The following SV2B variants were observed in gnomAD, a reference collection of about 807,000 sequenced individuals.
The protein encoded by SV2B is synaptic vesicle glycoprotein 2B.
Under a neutral mutation model 73.9 loss-of-function variants are expected in SV2B, and 41 were observed. The ratio of observed to expected loss-of-function variants is 0.56; its 90% CI spans 0.43 to 0.72. The LOEUF is 0.72. Ranked by LOEUF, SV2B falls within the 30% of genes least tolerant of loss-of-function variation. The probability of loss-of-function intolerance (pLI) is 0.00; values close to 1 mark genes in which losing one functional copy is unlikely to be tolerated. For synonymous variants in SV2B, 314 were observed against 314.2 expected, an observed-to-expected ratio of 1.00 and a Z score of 0.01; for missense variants, 764 against 857.8, an observed-to-expected ratio of 0.89 and a Z score of 1.37.
intron 1 of SV2B, among the ~76,000 whole-genome samples, chr15:91,206,881 C>T (rs893962492): frequency 2.0e-5 from 3 of 152,120 alleles, no homozygotes; most frequent in Admixed American, 6.5e-5. Context: ...ATGTTAGGAT[C>T]TTTTATTTGG....
At chr15:91,193,291 T>G (rs1185252519) in intron 1 of SV2B, among the ~76,000 whole-genome samples, 1 of 152,192 alleles carries the variant, frequency 6.6e-6, no homozygotes, top group Non-Finnish European at 1.5e-5. Context: ...TAGTAGTACG[T>G]CAACAGTTGT....
At chr15:91,254,469 T>G (rs2047610364) in intron 4 of SV2B, among the ~76,000 whole-genome samples, 1 of 152,146 alleles carries the variant, frequency 6.6e-6, no homozygotes, top group Non-Finnish European at 1.5e-5. Flanking sequence ...ACGCCTGACT[T>G]CAAGTGATCC....
chr15:91,106,721 G>T lies in SV2B; in HGVS notation c.-392+6358G>T, dbSNP rs569150822. Among the ~76,000 whole-genome samples the T allele has an allele frequency of 3.7e-4, 56 of 152,304 alleles. 2 individuals are homozygous for T. The South Asian group carries it at 0.011, about 31-fold the overall frequency. On this transcript the variant is annotated intron_variant, in intron 1 of 12. Coordinates refer to ENST00000394232, the MANE Select transcript of SV2B (RefSeq NM_001323032.3). The surrounding 1 kb of genome is among the most constrained non-coding windows in gnomAD (Gnocchi z 4.4). Reference sequence around the variant, plus strand: ...AGAGGGAGGTGGCTGAAATTCAGGGGTGTGATGTTCTTGGGTTATTATTGT... The same window carrying T: ...AGAGGGAGGTGGCTGAAATTCAGGGTTGTGATGTTCTTGGGTTATTATTGT...
rs74339120 is a variant in SV2B, at chr15:91,115,960, G to C, written c.-392+15597G>C. On this transcript the variant is annotated intron_variant, in intron 1 of 12. Transcript: ENST00000394232. This position sits in a 1 kb window ranked among gnomAD's most constrained non-coding sequence, Gnocchi z 4.3. ...GCTTTGTTTCACATACACCTTAACA[G>C]AGTACATGCACACACATACACACAC... Among the ~76,000 whole-genome samples, 1 of 152,196 alleles carries C rather than the reference G, an allele frequency of 6.6e-6. No individual in the cohort carries two copies. The highest frequency in any genetic ancestry group is 1.9e-4 in the East Asian group (1 of 5,194).
chr15:91,211,833 G>T (rs1461835873), intron 1 of SV2B, among the ~76,000 whole-genome samples: 1 of 144,158 alleles, frequency 6.9e-6, no homozygotes, highest in African/African-American at 2.6e-5. Flanking sequence ...TGAGTTGGAG[G>T]TCTCACTGTG....
At position 91,227,958 on chromosome 15, in the gene SV2B, A is replaced by G. The variant is rs959491129; in HGVS notation, c.451+1244A>G. 6.6e-6 allele frequency among the ~76,000 whole-genome samples: 1 copy of G among 152,238 alleles called. No individual in the cohort carries two copies. Among genetic ancestry groups the G allele is most frequent in the African/African-American group, 2.4e-5 (1 of 41,458 alleles). On this transcript the variant is annotated intron_variant, in intron 2 of 12. Transcript: ENST00000394232. The surrounding 1 kb of genome is among the most constrained non-coding windows in gnomAD (Gnocchi z 4.5). ...AACTCTGTCACTGTAGCACAATAGC[A>G]GCTTTGAACAACACGTAAACAAATG...
In SV2B at chr15:91,197,896, T is replaced by C. The variant is rs754051085; in HGVS notation, c.-391-27977T>C. On this transcript the variant is annotated intron_variant, in intron 1 of 12. Coordinates refer to ENST00000394232, the MANE Select transcript of SV2B (RefSeq NM_001323032.3). The surrounding 1 kb of genome is among the most constrained non-coding windows in gnomAD (Gnocchi z 4.9). The stretch of plus-strand genomic sequence containing the variant: ...AAAAAATACAAAAATTAGCCAGGCA[T>C]GGTGGGGGACCCGTGTAATCCCAGC... 6.6e-6 allele frequency among the ~76,000 whole-genome samples: 1 copy of C among 151,942 alleles called. No individual in the cohort carries two copies. The highest frequency in any genetic ancestry group is 1.5e-5 in the Non-Finnish European group (1 of 68,002).
intron 1 of SV2B, among the ~76,000 whole-genome samples, chr15:91,168,301 CGAGAGAGAGAGA>C (rs113991291): frequency 2.9e-5 from 4 of 137,200 alleles, no homozygotes; most frequent in African/African-American, 1.1e-4. Flanking sequence ...TGGTGAGATA[CGAGAGAGAGAGA>C]GAGAGAGAGA....
chr15:91,190,221 T>C (rs1046994580), intron 1 of SV2B, among the ~76,000 whole-genome samples: 1 of 152,228 alleles, frequency 6.6e-6, no homozygotes, highest in Non-Finnish European at 1.5e-5. Context: ...CTGTGATTTA[T>C]GTTCATCTTT....
intron 1 of SV2B, among the ~76,000 whole-genome samples, chr15:91,120,825 A>G (rs961765365): frequency 1.3e-5 from 2 of 150,242 alleles, no homozygotes; most frequent in African/African-American, 4.9e-5. Context: ...AAAAAAAAAA[A>G]AGAAAGAAAA....
chr15:91,138,955 T>C (rs1245002512), intron 1 of SV2B, among the ~76,000 whole-genome samples: 3 of 152,222 alleles, frequency 2.0e-5, no homozygotes, highest in African/African-American at 4.8e-5. Context: ...ATACAAGGTA[T>C]AGAACGTCTA....
Position 91,232,817 on chromosome 15 carries a change from C to G in SV2B, c.451+6103C>G, listed in dbSNP as rs567309413. Among the ~76,000 whole-genome samples, 3 of 152,284 alleles carry G rather than the reference C, an allele frequency of 2.0e-5. No individual in the cohort carries two copies. Among genetic ancestry groups the G allele is most frequent in the African/African-American group, 7.2e-5 (3 of 41,570 alleles). On this transcript the variant is annotated intron_variant, in intron 2 of 12. Transcript: ENST00000394232. This position sits in a 1 kb window ranked among gnomAD's most constrained non-coding sequence, Gnocchi z 4.7. Reference sequence around the variant, plus strand: ...CTGAGGTTTGGGATACAAATGATCCCATCACCCAGATAGTGAGCAAAGAAC... The same window carrying G: ...CTGAGGTTTGGGATACAAATGATCCGATCACCCAGATAGTGAGCAAAGAAC...
At chr15:91,222,875 C>T (rs1188305119) in intron 1 of SV2B, among the ~76,000 whole-genome samples, 1 of 152,152 alleles carries the variant, frequency 6.6e-6, no homozygotes, top group Non-Finnish European at 1.5e-5. Context: ...TTCAGTTGCA[C>T]TTGTGGTTGT....
rs1290589133 is a variant in SV2B at position 91,242,816 on chromosome 15, A to G, written c.452-9003A>G. 6.6e-6 allele frequency among the ~76,000 whole-genome samples: 1 copy of G among 152,228 alleles called. No individual in the cohort carries two copies. The highest frequency in any genetic ancestry group is 6.5e-5 in the Admixed American group (1 of 15,292). ...AAGGCTGCACAAATCTCTGTCACAC[A>G]GGGTTCTCAAATAGTAGGTGAAACT... On this transcript the variant is annotated intron_variant, in intron 2 of 12. Coordinates refer to ENST00000394232, the MANE Select transcript of SV2B (RefSeq NM_001323032.3). This position sits in a 1 kb window ranked among gnomAD's most constrained non-coding sequence, Gnocchi z 4.9.
intron 1 of SV2B, among the ~76,000 whole-genome samples, chr15:91,162,423 G>T (rs2043754562): frequency 6.6e-6 from 1 of 152,182 alleles, no homozygotes; most frequent in Non-Finnish European, 1.5e-5. Flanking sequence ...TGCAAAAGAA[G>T]TAGGAACACT....
chr15:91,149,114 A>G (rs2214075), intron 1 of SV2B, among the ~76,000 whole-genome samples: 43,063 of 152,136 alleles, frequency 0.28, 6,729 homozygotes, highest in East Asian at 0.66. Flanking sequence ...TGAAAAATAT[A>G]GACTGGTCCT....
chr15:91,107,094 G>A (rs1295034195), intron 1 of SV2B, among the ~76,000 whole-genome samples: 2 of 152,046 alleles, frequency 1.3e-5, no homozygotes, highest in Non-Finnish European at 2.9e-5. Flanking sequence ...GTGTGTGTGA[G>A]GGAGAGAGAG....
At chr15:91,228,405 C>A (rs754717362) in intron 2 of SV2B, among the ~76,000 whole-genome samples, 1 of 152,008 alleles carries the variant, frequency 6.6e-6, no homozygotes, top group South Asian at 2.1e-4. Context: ...AAGCAACCAA[C>A]AAACAACCAA....
chr15:91,164,245 A>G (rs949888612), intron 1 of SV2B, among the ~76,000 whole-genome samples: 1 of 152,194 alleles, frequency 6.6e-6, no homozygotes, highest in Admixed American at 6.5e-5. Context: ...ACTGGAAAAA[A>G]CTACTTTAAA....
Sources: allele counts gnomAD v4.1 joint callset (sites outside exome capture counted in the v4.1 genomes callset), GRCh38; gene constraint gnomAD v4.1.1; non-coding constraint Gnocchi (gnomAD v3.1); transcripts MANE v1.5; gene names NCBI Gene and HGNC (gene_info 2026-07-23, HGNC 2026-07-21).